Variants in ACSL1 observed in about 807,000 individuals in gnomAD.
ACSL1 encodes the protein long-chain-fatty-acid--CoA ligase 1.
A neutral mutation model predicts 98.4 loss-of-function variants in ACSL1; 41 were observed. The ratio of observed to expected loss-of-function variants is 0.42; its 90% CI spans 0.32 to 0.54. The LOEUF (loss-of-function observed/expected upper bound fraction) is 0.54, where lower values mean the gene tolerates loss of function less well. Among genes scored for constraint, ACSL1 ranks in the 20% least tolerant of loss-of-function variants. The pLI is 0.13. For missense variants in ACSL1, 734 were observed against 883.1 expected, an observed-to-expected ratio of 0.83 and a Z score of 2.14; for synonymous variants, 316 against 322.7, an observed-to-expected ratio of 0.98 and a Z score of 0.22.
intron 17 of ACSL1, among the ~76,000 whole-genome samples, chr4:184,761,874 C>T (rs1010451533): frequency 9.2e-5 from 14 of 152,162 alleles, no homozygotes; most frequent in Admixed American, 2.0e-4. Context: ...CGCCTGTAAT[C>T]CCAGCACTTT....
At position 184,776,613 on chromosome 4, in the gene ACSL1, T is replaced by C. The variant is rs112358311; in HGVS notation, c.627A>G (p.Leu209=). 7,189 of 1,613,804 alleles carry C rather than the reference T, an allele frequency of 4.5e-3. 24 individuals are homozygous for C. The highest frequency in any genetic ancestry group is 5.8e-3 in the Non-Finnish European group (6,866 of 1,180,014). The part of the protein sequence containing the change: ...FVDKPEKAKL[L]LEGVENKLIP... ...TTAACTTATTTTCTACACCCTCTAA[T>C]AAGAGTTTGGCCTTCTCTGGCTTGT... Residue 209 remains leucine, a synonymous_variant, in exon 7 of 21, where the codon TTA becomes TTG. Coordinates refer to ENST00000281455, the MANE Select transcript of ACSL1 (RefSeq NM_001995.5).
At chr4:184,814,847 C>T (rs1195109303) in intron 1 of ACSL1, among the ~76,000 whole-genome samples, 1 of 152,172 alleles carries the variant, frequency 6.6e-6, no homozygotes, top group African/African-American at 2.4e-5. Flanking sequence ...GGCTCAGCCA[C>T]TGACCTGCTA....
Position 184,757,607 on chromosome 4 carries a change from A to C in ACSL1, c.1956+28T>G. 6.3e-7 allele frequency: 1 copy of C among 1,593,530 alleles called. No homozygotes were observed. The highest frequency in any genetic ancestry group is 8.5e-7 in the Non-Finnish European group (1 of 1,171,586). The stretch of plus-strand genomic sequence containing the variant: ...CTTAATGGAAAATTTGTTTTACAGG[A>C]ATTCACCCACTCAGATGAAGGTCAT... On this transcript the variant is annotated intron_variant, in intron 20 of 20. Coordinates refer to ENST00000281455, the MANE Select transcript of ACSL1 (RefSeq NM_001995.5). The surrounding 1 kb of genome is among the most constrained non-coding windows in gnomAD (Gnocchi z 4.5).
At chr4:184,780,158 C>T (rs1765995117) in intron 5 of ACSL1, among the ~76,000 whole-genome samples, 174 bp downstream of exon 5, 2 of 152,136 alleles carry the variant, frequency 1.3e-5, no homozygotes, top group South Asian at 4.1e-4. Flanking sequence ...AGGCGTGAGC[C>T]ACTGTGCCCA....
chr4:184,772,261 A>C (rs1369609612), intron 10 of ACSL1, among the ~76,000 whole-genome samples: 1 of 152,216 alleles, frequency 6.6e-6, no homozygotes, highest in Non-Finnish European at 1.5e-5. Context: ...TGAGCCAAGT[A>C]AAGTAAGTGG....
chr4:184,782,262 C>T lies in ACSL1; in HGVS notation c.375+1665G>A, dbSNP rs535228228. On this transcript the variant is annotated intron_variant, in intron 4 of 20. Coordinates refer to ENST00000281455, the MANE Select transcript of ACSL1 (RefSeq NM_001995.5). ...TATATTTCTAGATCGGTCATACATT[C>T]TTAAAAAAAAAAAAACAACCCTTTA... Among the ~76,000 whole-genome samples the T allele has an allele frequency of 1.8e-4, 9 of 51,270 alleles. No homozygotes were observed. The East Asian group carries it at 0.019, about 107-fold the overall frequency. 33.6% of individuals were successfully genotyped at this position (51,270 alleles called of 152,430 possible). A position where few individuals can be genotyped will look rare whatever the true frequency, so the allele number is the denominator to read the frequency against.
chr4:184,763,715 C>A (rs1332971232), intron 15 of ACSL1, among the ~76,000 whole-genome samples: 2 of 152,182 alleles, frequency 1.3e-5, no homozygotes, highest in Admixed American at 6.5e-5. Context: ...TATTTCCTTG[C>A]GTATGAAGAA....
rs552331276 is a variant in ACSL1, at chr4:184,790,818, C to G, written c.196-2087G>C. On this transcript the variant is annotated intron_variant, in intron 2 of 20. Coordinates refer to ENST00000281455, the MANE Select transcript of ACSL1 (RefSeq NM_001995.5). ...ACATGCTCTAACTACAGTACAAGTC[C>G]TCCATCACCTCAGTCTTGACTCCAA... Among the ~76,000 whole-genome samples the G allele has an allele frequency of 2.0e-5, 3 of 151,918 alleles. No homozygotes were observed. In the East Asian group the frequency reaches 5.8e-4, roughly 29 times the overall value.
chr4:184,777,056 A>G (rs1398316579), intron 5 of ACSL1, 73 bp from the exon 6 acceptor site: 2 of 1,341,176 alleles, frequency 1.5e-6, no homozygotes, highest in East Asian at 4.8e-5. Flanking sequence ...ACAATACTCA[A>G]GAGAGATTCA....
At chr4:184,764,249 T>C (rs1763255141) in intron 15 of ACSL1, among the ~76,000 whole-genome samples, 1 of 152,170 alleles carries the variant, frequency 6.6e-6, no homozygotes, top group Non-Finnish European at 1.5e-5. Flanking sequence ...CAACAATCTA[T>C]AATTTCCTCT....
chr4:184,761,470 G>A (rs900131687), intron 17 of ACSL1, among the ~76,000 whole-genome samples: 1 of 152,052 alleles, frequency 6.6e-6, no homozygotes, highest in Non-Finnish European at 1.5e-5. Context: ...TAATAACTTC[G>A]AAACAGCAGA....
chr4:184,823,107 CAA>C (rs1561253868), intron 1 of ACSL1, among the ~76,000 whole-genome samples: 2 of 152,202 alleles, frequency 1.3e-5, no homozygotes, highest in African/African-American at 4.8e-5. Flanking sequence ...GCCCCAGTGT[CAA>C]AGGCACTTTT....
intron 12 of ACSL1, chr4:184,767,978 G>C: frequency 2.5e-6 from 1 of 401,522 alleles, no homozygotes; most frequent in Non-Finnish European, 4.4e-6. Flanking sequence ...GCAACTTTTG[G>C]AGACAAACAG....
chr4:184,805,982 A>T (rs1218943195), intron 1 of ACSL1, among the ~76,000 whole-genome samples: 1 of 152,240 alleles, frequency 6.6e-6, no homozygotes, highest in Non-Finnish European at 1.5e-5. Flanking sequence ...ATACCAAGAA[A>T]GAAACAGATT....
chr4:184,769,206 GT>G (rs1024454157), intron 11 of ACSL1, among the ~76,000 whole-genome samples: 1 of 152,022 alleles, frequency 6.6e-6, no homozygotes, highest in Non-Finnish European at 1.5e-5. Flanking sequence ...CTAACTAGAA[GT>G]TTCTGAAAGG....
chr4:184,773,210 C>A lies in ACSL1; in HGVS notation c.842-56G>T. 1 of 1,500,134 alleles carries A rather than the reference C, an allele frequency of 6.7e-7. No individual in the cohort carries two copies. Among genetic ancestry groups the A allele is most frequent in the African/African-American group, 1.4e-5 (1 of 72,572 alleles). 92.9% of individuals were successfully genotyped at this position (1,500,134 alleles called of 1,614,324 possible). On this transcript the variant is annotated intron_variant, in intron 9 of 20. Transcript: ENST00000281455. The surrounding 1 kb of genome is among the most constrained non-coding windows in gnomAD (Gnocchi z 4.3). ...TAAAGAATGACAGAAATGAAGGAGG[C>A]CCAGAAACCTCACATAATTAGGGCT...
intron 12 of ACSL1, 32 bp downstream of exon 12, chr4:184,768,284 T>C (rs1483468241): frequency 6.3e-7 from 1 of 1,594,694 alleles, no homozygotes. Context: ...AAGTCAGTGC[T>C]CAGTCCTGGG....
At chr4:184,815,362 T>C (rs1579967620) in intron 1 of ACSL1, among the ~76,000 whole-genome samples, 1 of 152,052 alleles carries the variant, frequency 6.6e-6, no homozygotes, top group Admixed American at 6.6e-5. Flanking sequence ...TCTGCCTCTC[T>C]CTCTCCCATG....
In ACSL1 at chr4:184,757,948, A is replaced by G; in HGVS notation, c.1783-28T>C. The G allele has an allele frequency of 6.3e-7, 1 of 1,594,230 alleles. No homozygotes were observed. Among genetic ancestry groups the G allele is most frequent in the South Asian group, 1.1e-5 (1 of 90,632 alleles). ...TTAACACAGACAAATGAGTTATTACATAGCTTGATCCAAATGCTCTAAAAT... is the reference window on the plus strand; with the variant it reads ...TTAACACAGACAAATGAGTTATTACGTAGCTTGATCCAAATGCTCTAAAAT... On this transcript the variant is annotated intron_variant, in intron 18 of 20. Coordinates refer to ENST00000281455, the MANE Select transcript of ACSL1 (RefSeq NM_001995.5). This position sits in a 1 kb window ranked among gnomAD's most constrained non-coding sequence, Gnocchi z 4.5.
Sources: gnomAD v4.1 joint callset for allele counts (sites outside exome capture counted in the v4.1 genomes callset) on GRCh38, gnomAD v4.1.1 for gene constraint, Gnocchi (gnomAD v3.1) non-coding constraint, MANE v1.5 for transcripts, NCBI Gene and HGNC (gene_info 2026-07-23, HGNC 2026-07-21) for gene names.